Variants in DNAH14 observed in about 807,000 individuals in gnomAD.
DNAH14 encodes axonemal beta dynein heavy chain 14.
DNAH14 carries 478 observed loss-of-function variants against 520.9 expected under a neutral mutation model. That is an observed-to-expected ratio of 0.92 (90% CI 0.85 to 0.99). The LOEUF is 0.99. DNAH14 is among the 50% of genes least tolerant of loss of function. DNAH14 has a pLI of 0.00. For synonymous variants in DNAH14, 1,581 were observed against 1,757.2 expected (o/e 0.90, Z 2.51); for missense variants, 4,831 against 5,234.5 (o/e 0.92, Z 2.38).
At position 225,335,788 on chromosome 1, in the gene DNAH14, A is replaced by T. The variant is rs1454167924; in HGVS notation, c.10081-1478A>T. On this transcript the variant is annotated intron_variant, in intron 66 of 85. Transcript: ENST00000682510. ...ATGTGCATATGTGCATATATTCATA[A>T]GTACATCTATGTATATGTACATATA... Among the ~76,000 whole-genome samples, 3 of 115,328 alleles carry T rather than the reference A, an allele frequency of 2.6e-5. 1 individual carries two copies. Among genetic ancestry groups the T allele is most frequent in the Non-Finnish European group, 5.3e-5 (3 of 56,420 alleles). 75.7% of individuals were successfully genotyped at this position (115,328 alleles called of 152,430 possible).
rs1406586357 is a variant in DNAH14, at chr1:225,318,636, GGCTCTGAATGCCCTGGATAAA to G, written c.9298_9318del (p.Leu3100_Ala3106del). ...TGCCAGCCTTTGACAAGGCAATTGT[GGCTCTGAATGCCCTGGATAAA>G]GCTGATGTCGCTGAATTAAGGTAAC... On this transcript the variant is annotated inframe_deletion, in exon 61 of 86. Coordinates refer to ENST00000682510, the MANE Select transcript of DNAH14 (RefSeq NM_001367479.1). The G allele has an allele frequency of 9.0e-6, 14 of 1,550,252 alleles. No individual in the cohort carries two copies. In the African/African-American group the frequency reaches 1.2e-4, roughly 14 times the overall value.
chr1:225,238,369 T>C (rs892306246), intron 42 of DNAH14, among the ~76,000 whole-genome samples: 20 of 152,118 alleles, frequency 1.3e-4, no homozygotes, highest in African/African-American at 4.1e-4. Context: ...CACTTTTCCA[T>C]AGGGCAGCTG....
rs768304249 is a variant in DNAH14, at chr1:225,392,328, C to T, written c.13368C>T (p.Ser4456=). 3.2e-6 allele frequency: 5 copies of T among 1,552,382 alleles called. No homozygotes were observed. The highest frequency in any genetic ancestry group is 4.4e-6 in the Non-Finnish European group (5 of 1,147,152). Residue 4456 remains serine, a synonymous_variant, in exon 84 of 86, where the codon TCC becomes TCT. Coordinates refer to ENST00000682510, the MANE Select transcript of DNAH14 (RefSeq NM_001367479.1). ...LAAVLQDYGR[S]RGIAVDALTF... ...CTGTGCTTCAAGACTATGGGAGGTC[C>T]CGAGGAATCGCTGTGGATGCCCTCA...
intron 41 of DNAH14, among the ~76,000 whole-genome samples, chr1:225,227,065 G>A (rs572759450): frequency 3.9e-5 from 6 of 152,130 alleles, no homozygotes; most frequent in East Asian, 1.9e-4. Context: ...GTTTTACACC[G>A]AGACATTTCA....
At chr1:225,367,114 A>G (rs1288510667) in intron 76 of DNAH14, among the ~76,000 whole-genome samples, 2 of 151,208 alleles carry the variant, frequency 1.3e-5, no homozygotes, top group African/African-American at 4.8e-5. Context: ...CAACTTATGT[A>G]AGTGTGTGTG....
chr1:225,301,388 A>C (rs2094136538), intron 56 of DNAH14, among the ~76,000 whole-genome samples: 1 of 152,192 alleles, frequency 6.6e-6, no homozygotes, highest in East Asian at 1.9e-4. Context: ...TTTGGTAACA[A>C]GTCTGGAAAG....
intron 23 of DNAH14, among the ~76,000 whole-genome samples, chr1:225,107,107 C>G (rs2076125615): frequency 6.6e-6 from 1 of 152,210 alleles, no homozygotes; most frequent in Admixed American, 6.5e-5. Flanking sequence ...TCAGGACCCT[C>G]AGCTGCAGGT....
At chr1:225,342,030 G>A (rs2095193535) in intron 69 of DNAH14, among the ~76,000 whole-genome samples, 1 of 151,966 alleles carries the variant, frequency 6.6e-6, no homozygotes, top group Non-Finnish European at 1.5e-5. Flanking sequence ...CCGCACATCG[G>A]GCCCTGGCTT....
In DNAH14 at chr1:225,330,813, T is replaced by A. The variant is rs914373446; in HGVS notation, c.9724-624T>A. 7.2e-5 allele frequency among the ~76,000 whole-genome samples: 11 copies of A among 152,186 alleles called. 1 individual carries two copies. The highest frequency in any genetic ancestry group is 2.7e-4 in the African/African-American group (11 of 41,444). On this transcript the variant is annotated intron_variant, in intron 64 of 85. Coordinates refer to ENST00000682510, the MANE Select transcript of DNAH14 (RefSeq NM_001367479.1). ...TAAAATAAAGAGTATAATTTGATTG[T>A]TTGTAACACAAAGGATAAATGCTCG...
intron 52 of DNAH14, among the ~76,000 whole-genome samples, chr1:225,275,599 C>T (rs1355153506): frequency 1.3e-5 from 2 of 152,216 alleles, no homozygotes; most frequent in East Asian, 3.9e-4. Flanking sequence ...TTTCTAGCAA[C>T]AGGAGTTCTT....
rs138849505 is a variant in DNAH14 at position 225,045,267 on chromosome 1, G to GT, written c.1912+1294dup. 1.6e-3 allele frequency among the ~76,000 whole-genome samples: 224 copies of GT among 141,460 alleles called. 1 individual carries two copies. The highest frequency in any genetic ancestry group is 5.2e-3 in the African/African-American group (200 of 38,592). The allele number at this position is 141,460 out of a possible 152,430, so 92.8% of individuals were successfully genotyped here. A position where few individuals can be genotyped will look rare whatever the true frequency, so the allele number is the denominator to read the frequency against. On this transcript the variant is annotated intron_variant, in intron 15 of 85. Transcript: ENST00000682510. ...TTCTTTATTATGAAATGTTTCTACT[G>GT]TTTTTTTTTTAAGTTTCTATAATGA...
At chr1:225,178,602 G>A (rs1266587944) in intron 36 of DNAH14, among the ~76,000 whole-genome samples, 1 of 152,154 alleles carries the variant, frequency 6.6e-6, no homozygotes, top group Non-Finnish European at 1.5e-5. Context: ...TATATCTAGG[G>A]AGTAACTAAC....
chr1:224,949,069 T>C (rs1033577262), intron 1 of DNAH14, among the ~76,000 whole-genome samples: 1 of 152,186 alleles, frequency 6.6e-6, no homozygotes, highest in Non-Finnish European at 1.5e-5. Flanking sequence ...TGTTTATTGA[T>C]TTTATTTGCC....
rs1233915382 is a variant in DNAH14, at chr1:225,276,942, A to AAAGG, written c.8179-427_8179-424dup. The stretch of plus-strand genomic sequence containing the variant: ...TCTAAAAGAAAAATAAGAAGAAGAA[A>AAAGG]AAGGAAGGAAGGAAGGAAGGAAGGA... On this transcript the variant is annotated intron_variant, in intron 53 of 85. Coordinates refer to ENST00000682510, the MANE Select transcript of DNAH14 (RefSeq NM_001367479.1). Among the ~76,000 whole-genome samples the AAAGG allele has an allele frequency of 1.3e-3, 93 of 69,046 alleles. 1 individual carries two copies. The highest frequency in any genetic ancestry group is 2.2e-3 in the Admixed American group (12 of 5,554). 45.3% of individuals were successfully genotyped at this position (69,046 alleles called of 152,430 possible). A position where few individuals can be genotyped will look rare whatever the true frequency, so the allele number is the denominator to read the frequency against.
chr1:225,099,546 C>T (rs1452335531), intron 22 of DNAH14, among the ~76,000 whole-genome samples: 3 of 152,110 alleles, frequency 2.0e-5, no homozygotes, highest in African/African-American at 7.2e-5. Context: ...TCCCTACCCC[C>T]AGCCCCCACA....
chr1:225,242,662 A>G (rs2092034455), intron 43 of DNAH14, among the ~76,000 whole-genome samples: 1 of 152,212 alleles, frequency 6.6e-6, no homozygotes, highest in South Asian at 2.1e-4. Flanking sequence ...AAATAGAAGG[A>G]GTGCACTCTA....
At chr1:225,118,186 T>C (rs2077015657) in intron 25 of DNAH14, 187 bp downstream of exon 25, 1 of 621,644 alleles carries the variant, frequency 1.6e-6, no homozygotes, top group African/African-American at 1.8e-5. Flanking sequence ...TTTGCTCTAA[T>C]TAAAAGTTGA....
At chr1:225,335,537 A>C (rs1272220173) in intron 66 of DNAH14, among the ~76,000 whole-genome samples, 1 of 63,086 alleles carries the variant, frequency 1.6e-5, no homozygotes, top group Admixed American at 2.0e-4. Flanking sequence ...ACATATGTAC[A>C]TATATACGTA....
chr1:224,987,118 A>AAGAGAC (rs58030730), intron 8 of DNAH14, among the ~76,000 whole-genome samples: 16,201 of 150,128 alleles, frequency 0.11, 1,848 homozygotes, highest in African/African-American at 0.29. Context: ...GAGAGAGAGA[A>AAGAGAC]AGAGACAGAG....
Sources: gnomAD v4.1 joint callset for allele counts (sites outside exome capture counted in the v4.1 genomes callset) on GRCh38, gnomAD v4.1.1 for gene constraint, MANE v1.5 for transcripts, NCBI Gene and HGNC (gene_info 2026-07-23, HGNC 2026-07-21) for gene names.